The following MATN2 variants were observed in gnomAD, a reference collection of about 807,000 sequenced individuals.
MATN2 encodes matrilin 2.
MATN2 carries 69 observed loss-of-function variants against 103.2 expected under a neutral mutation model. That is an observed-to-expected ratio of 0.67 (90% CI 0.55 to 0.82). The LOEUF (loss-of-function observed/expected upper bound fraction) is 0.82. Among genes scored for constraint, MATN2 ranks in the 40% least tolerant of loss-of-function variants. The probability of loss-of-function intolerance (pLI) is 0.00; values close to 1 mark genes in which losing one functional copy is unlikely to be tolerated. For synonymous variants in MATN2, 429 were observed against 450.2 expected, an observed-to-expected ratio of 0.95 and a Z score of 0.60; for missense variants, 1,023 against 1,211.5, an observed-to-expected ratio of 0.84 and a Z score of 2.31.
At chr8:97,945,247 C>G (rs1384484064) in intron 4 of MATN2, among the ~76,000 whole-genome samples, 1 of 152,168 alleles carries the variant, frequency 6.6e-6, no homozygotes, top group East Asian at 1.9e-4. Flanking sequence ...CAGGAGCTTT[C>G]CTGAGTGTTT....
At chr8:98,029,127 C>T (rs1563736414) in intron 14 of MATN2, among the ~76,000 whole-genome samples, 1 of 152,180 alleles carries the variant, frequency 6.6e-6, no homozygotes, top group African/African-American at 2.4e-5. Flanking sequence ...TGGTTCACAT[C>T]GACATTCACT....
chr8:97,884,325 A>G (rs1177713791), intron 1 of MATN2, among the ~76,000 whole-genome samples: 1 of 151,706 alleles, frequency 6.6e-6, no homozygotes, highest in Non-Finnish European at 1.5e-5. Context: ...TTTTTAGTAG[A>G]GACGGGATTT....
At chr8:97,977,871 CG>C (rs1811889794) in intron 5 of MATN2, among the ~76,000 whole-genome samples, 1 of 152,128 alleles carries the variant, frequency 6.6e-6, no homozygotes, top group South Asian at 2.1e-4. Context: ...GATATCCTCA[CG>C]GCTCGTATTT....
At chr8:97,944,207 G>T (rs897352258) in intron 4 of MATN2, among the ~76,000 whole-genome samples, 1 of 152,200 alleles carries the variant, frequency 6.6e-6, no homozygotes, top group African/African-American at 2.4e-5. Context: ...GGGCTCACCC[G>T]CAGAGATGCA....
In MATN2 at chr8:97,869,284, G is replaced by T. The variant is rs1245016545; in HGVS notation, c.-30G>T. ...CCTCGCTTCCCAGGCGCCGGCGGCT[G>T]CAGGTGAGCGCGGCGCGCTTTCCCC... On this transcript the variant is annotated 5_prime_UTR_variant, in exon 1 of 19. Transcript: ENST00000254898. The T allele has an allele frequency of 3.3e-5, 5 of 152,260 alleles. No homozygotes were observed. The highest frequency in any genetic ancestry group is 7.3e-5 in the Non-Finnish European group (5 of 68,074). The allele number at this position is 152,260 out of a possible 1,614,324, so 9.4% of individuals were successfully genotyped here. A position where few individuals can be genotyped will look rare whatever the true frequency, so the allele number is the denominator to read the frequency against.
intron 12 of MATN2, among the ~76,000 whole-genome samples, chr8:98,019,214 TAC>T (rs139740649): frequency 7.3e-5 from 11 of 149,714 alleles, no homozygotes; most frequent in African/African-American, 9.8e-5. Context: ...AAAATGGACA[TAC>T]ACACACACAC....
In MATN2 at chr8:98,027,327, A is replaced by AT. The variant is rs1012719667; in HGVS notation, c.1943-88dup. ...ACAAAACTGGTTCCCCAAAGTGGTT[A>AT]TGCCTCCAATTGAAGCATCATTTTA... is the stretch of plus-strand genomic sequence containing the variant. On this transcript the variant is annotated intron_variant, in intron 13 of 18. Coordinates refer to ENST00000254898, the MANE Select transcript of MATN2 (RefSeq NM_002380.5). The AT allele has an allele frequency of 9.0e-5, 109 of 1,205,716 alleles. No individual in the cohort carries two copies. In the African/African-American group the frequency reaches 1.3e-3, roughly 14 times the overall value. The allele number at this position is 1,205,716 out of a possible 1,614,324, so 74.7% of individuals were successfully genotyped here.
chr8:98,027,796 G>A lies in MATN2; in HGVS notation c.2323G>A (p.Val775Ile), dbSNP rs747895446. 2.5e-6 allele frequency: 4 copies of A among 1,589,704 alleles called. No individual in the cohort carries two copies. Among genetic ancestry groups the A allele is most frequent in the Middle Eastern group, 1.7e-4 (1 of 5,940 alleles). ...CACCGACGGACGGGCTCAGGATGAC[G>A]TCTCCGAGTGGGCCAGTAAAGCCAA... Reference protein sequence around the residue: ...VFTDGRAQDDVSEWASKAKAN... With the variant: ...VFTDGRAQDDISEWASKAKAN... Residue 775 changes from valine (V) to isoleucine (I), a missense_variant, in exon 14 of 19, where the codon GTC becomes ATC. Physicochemically the swap from Val to Ile is conservative, Grantham distance 29. Transcript: ENST00000254898.
chr8:97,943,547 C>T (rs1394059327), intron 4 of MATN2, among the ~76,000 whole-genome samples: 1 of 152,030 alleles, frequency 6.6e-6, no homozygotes. Context: ...AATTATGGCT[C>T]ACTGTACCCT....
intron 2 of MATN2, among the ~76,000 whole-genome samples, chr8:97,893,662 C>T (rs1437540272): frequency 5.9e-5 from 9 of 151,612 alleles, no homozygotes; most frequent in Admixed American, 2.0e-4. Flanking sequence ...CTGCAACCTC[C>T]GCCTCCCAGG....
chr8:97,871,676 A>G (rs970567711), intron 1 of MATN2, among the ~76,000 whole-genome samples: 1 of 152,192 alleles, frequency 6.6e-6, no homozygotes, highest in Non-Finnish European at 1.5e-5. Context: ...TTGCTAGTGA[A>G]TGGTGCCAGG....
chr8:97,919,148 T>C (rs1386904727), intron 2 of MATN2, among the ~76,000 whole-genome samples: 1 of 152,198 alleles, frequency 6.6e-6, no homozygotes, highest in Admixed American at 6.5e-5. Context: ...GCAGATGGTC[T>C]CTCAGGCTCA....
rs117526033 is a variant in MATN2 at position 97,900,402 on chromosome 8, A to G, written c.142+12160A>G. Among the ~76,000 whole-genome samples the G allele has an allele frequency of 7.9e-3, 1,201 of 152,340 alleles. 7 individuals are homozygous for G. Among genetic ancestry groups the G allele is most frequent in the Non-Finnish European group, 0.012 (828 of 68,028 alleles). ...AGCCCGGAGGGGCCTTTAGAAAGGC[A>G]TGATGGATTATGTGTACTGTGGGTC... On this transcript the variant is annotated intron_variant, in intron 2 of 18. Coordinates refer to ENST00000254898, the MANE Select transcript of MATN2 (RefSeq NM_002380.5).
At chr8:97,871,252 T>C (rs939730308) in intron 1 of MATN2, among the ~76,000 whole-genome samples, 1 of 152,234 alleles carries the variant, frequency 6.6e-6, no homozygotes, top group Non-Finnish European at 1.5e-5. Flanking sequence ...AAAATAATTC[T>C]ACAGTTTATT....
At chr8:97,881,914 T>TC (rs5893433) in intron 1 of MATN2, among the ~76,000 whole-genome samples, 1 of 23,614 alleles carries the variant, frequency 4.2e-5, no homozygotes, top group African/African-American at 6.1e-5. Context: ...ATTACTTATC[T>TC]TTTTTTTTTT....
intron 1 of MATN2, among the ~76,000 whole-genome samples, chr8:97,884,589 G>GT (rs1818364823): frequency 6.6e-6 from 1 of 152,072 alleles, no homozygotes; most frequent in African/African-American, 2.4e-5. Context: ...TGGGCAACAT[G>GT]ATGAAACCCC....
At chr8:98,003,976 G>A in intron 8 of MATN2, 193 bp downstream of exon 8, 1 of 620,822 alleles carries the variant, frequency 1.6e-6, no homozygotes, top group Non-Finnish European at 2.7e-6. Context: ...GCCAACTTGG[G>A]TTGCAAGGAT....
chr8:97,942,178 C>T (rs1810591617), intron 4 of MATN2, among the ~76,000 whole-genome samples: 2 of 152,210 alleles, frequency 1.3e-5, no homozygotes, highest in Non-Finnish European at 2.9e-5. Flanking sequence ...CCTTTACTTC[C>T]AAGCTTGTTC....
At chr8:97,922,023 G>A (rs1029114776) in intron 2 of MATN2, among the ~76,000 whole-genome samples, 1 of 152,152 alleles carries the variant, frequency 6.6e-6, no homozygotes, top group African/African-American at 2.4e-5. Context: ...ATTGTGAATT[G>A]TGCATGCAAG....
Sources: gnomAD v4.1 joint callset for allele counts (sites outside exome capture counted in the v4.1 genomes callset) on GRCh38, gnomAD v4.1.1 for gene constraint, MANE v1.5 for transcripts, NCBI Gene and HGNC (gene_info 2026-07-23, HGNC 2026-07-21) for gene names.